The following GALNTL6 variants were observed in gnomAD, a reference collection of about 807,000 sequenced individuals.
The protein encoded by GALNTL6 is polypeptide N-acetylgalactosaminyltransferase like 6, also known as polypeptide N-acetylgalactosaminyltransferase-like 6.
GALNTL6 carries 46 observed loss-of-function variants against 73.7 expected under a neutral mutation model. That is an observed-to-expected ratio of 0.62 (90% CI 0.49 to 0.80). GALNTL6 has a LOEUF of 0.80. Among genes scored for constraint, GALNTL6 ranks in the 30% least tolerant of loss-of-function variants. The probability of loss-of-function intolerance (pLI) is 0.00; values close to 1 mark genes in which losing one functional copy is unlikely to be tolerated. For missense variants in GALNTL6, 604 were observed against 755.0 expected, an observed-to-expected ratio of 0.80 and a Z score of 2.34; for synonymous variants, 259 against 263.7, an observed-to-expected ratio of 0.98 and a Z score of 0.17.
Position 173,040,017 on chromosome 4 carries a change from C to CCTCTCTCTG in GALNTL6, c.1724_1732dup (p.Ser577_Glu578insAlaLeuSer). 6.2e-7 allele frequency: 1 copy of CCTCTCTCTG among 1,612,988 alleles called. No individual in the cohort carries two copies. Among genetic ancestry groups the CCTCTCTCTG allele is most frequent in the Non-Finnish European group, 8.5e-7 (1 of 1,178,996 alleles). On this transcript the variant is annotated inframe_insertion, in exon 13 of 13. Coordinates refer to ENST00000506823, the MANE Select transcript of GALNTL6 (RefSeq NM_001034845.3). ...GAAGATTTTCATGGCCAGATGTGAC[C>CCTCTCTCTG]CTCTCTCTGAGACTCAGCAGTGGAT...
chr4:172,527,395 T>A (rs1314670468), intron 5 of GALNTL6, among the ~76,000 whole-genome samples: 1 of 152,210 alleles, frequency 6.6e-6, no homozygotes, highest in Non-Finnish European at 1.5e-5. Context: ...TATTGTAAGT[T>A]ATAATGATAT....
intron 8 of GALNTL6, among the ~76,000 whole-genome samples, chr4:172,883,985 A>G (rs1042200171): frequency 6.6e-6 from 1 of 152,174 alleles, no homozygotes; most frequent in African/African-American, 2.4e-5. Context: ...TTATGACTGC[A>G]TAATATTCCA....
intron 5 of GALNTL6, among the ~76,000 whole-genome samples, chr4:172,379,399 G>A (rs987357584): frequency 1.3e-5 from 2 of 151,712 alleles, no homozygotes; most frequent in Non-Finnish European, 2.9e-5. Context: ...GCACGGTGGC[G>A]GGCGCCTGTA....
At chr4:172,870,122 G>C (rs1487225899) in intron 7 of GALNTL6, among the ~76,000 whole-genome samples, 1 of 151,898 alleles carries the variant, frequency 6.6e-6, no homozygotes, top group Non-Finnish European at 1.5e-5. Flanking sequence ...AGAAATTCCA[G>C]TGTACCCCTA....
chr4:171,939,377 T>A (rs1017707700), intron 2 of GALNTL6, among the ~76,000 whole-genome samples: 4 of 152,154 alleles, frequency 2.6e-5, no homozygotes, highest in African/African-American at 9.6e-5. Flanking sequence ...GGGTATTAGA[T>A]AAATACTATA....
chr4:171,878,662 T>C (rs1736346251), intron 2 of GALNTL6, among the ~76,000 whole-genome samples: 1 of 152,194 alleles, frequency 6.6e-6, no homozygotes, highest in Non-Finnish European at 1.5e-5. Flanking sequence ...TTTTATAATA[T>C]TGTTGACTTG....
rs531669941 is a variant in GALNTL6 at position 172,256,680 on chromosome 4, C to T, written c.247+26916C>T. 2.6e-4 allele frequency among the ~76,000 whole-genome samples: 40 copies of T among 151,404 alleles called. 1 individual carries two copies. Among genetic ancestry groups the T allele is most frequent in the South Asian group, 8.3e-4 (4 of 4,830 alleles). ...TCTTTTCTCTACCCAGAATATTTTCCCCAGTCTTCCTATCTGTCCTATCTT... is the reference window on the plus strand; with the variant it reads ...TCTTTTCTCTACCCAGAATATTTTCTCCAGTCTTCCTATCTGTCCTATCTT... On this transcript the variant is annotated intron_variant, in intron 3 of 12. Coordinates refer to ENST00000506823, the MANE Select transcript of GALNTL6 (RefSeq NM_001034845.3).
chr4:173,021,419 G>A, intron 11 of GALNTL6, 57 bp from the exon 12 acceptor site: 1 of 1,576,714 alleles, frequency 6.3e-7, no homozygotes, highest in South Asian at 1.1e-5. Context: ...CCCCGCCCTT[G>A]CATCTTCTCT....
chr4:171,845,902 TACTC>T (rs1246337810), intron 2 of GALNTL6, among the ~76,000 whole-genome samples: 3 of 152,176 alleles, frequency 2.0e-5, no homozygotes, highest in Non-Finnish European at 4.4e-5. Context: ...ATTGTGAACA[TACTC>T]ATCATCACAG....
intron 2 of GALNTL6, among the ~76,000 whole-genome samples, 153 bp from the exon 3 acceptor site, chr4:172,229,503 G>C (rs916254853): frequency 6.6e-6 from 1 of 152,082 alleles, no homozygotes; most frequent in Admixed American, 6.6e-5. Flanking sequence ...GTATAAATCT[G>C]GTCACCAGCG....
At chr4:172,037,802 C>T (rs1202669219) in intron 2 of GALNTL6, among the ~76,000 whole-genome samples, 1 of 152,062 alleles carries the variant, frequency 6.6e-6, no homozygotes, top group Non-Finnish European at 1.5e-5. Flanking sequence ...TGAAAGTAAC[C>T]ACCAATAACT....
intron 5 of GALNTL6, among the ~76,000 whole-genome samples, chr4:172,398,746 A>G (rs982483463): frequency 6.6e-6 from 1 of 152,222 alleles, no homozygotes; most frequent in Non-Finnish European, 1.5e-5. Flanking sequence ...ATAATTTTGT[A>G]GAAGTATATT....
intron 2 of GALNTL6, among the ~76,000 whole-genome samples, chr4:172,066,069 C>G (rs1731353065): frequency 6.6e-6 from 1 of 152,216 alleles, no homozygotes; most frequent in Non-Finnish European, 1.5e-5. Flanking sequence ...ACATTTGTTA[C>G]AGTTGATGAG....
intron 5 of GALNTL6, among the ~76,000 whole-genome samples, chr4:172,613,422 AG>A (rs1738604595): frequency 6.6e-6 from 1 of 151,956 alleles, no homozygotes; most frequent in Admixed American, 6.6e-5. Context: ...CTAGGAAGCA[AG>A]GGCTACTAGA....
chr4:172,819,322 C>T (rs1560973894), intron 7 of GALNTL6, among the ~76,000 whole-genome samples: 1 of 152,370 alleles, frequency 6.6e-6, no homozygotes, highest in East Asian at 1.9e-4. Context: ...CTGATAACAA[C>T]ACCGTGTGAA....
intron 12 of GALNTL6, among the ~76,000 whole-genome samples, chr4:173,030,359 AC>A (rs1387400008): frequency 1.3e-5 from 2 of 152,074 alleles, no homozygotes; most frequent in African/African-American, 2.4e-5. Context: ...GGTTGTTATG[AC>A]CTTCTAACTT....
chr4:172,622,045 C>T (rs950649411), intron 5 of GALNTL6, among the ~76,000 whole-genome samples: 6 of 152,200 alleles, frequency 3.9e-5, no homozygotes, highest in Non-Finnish European at 8.8e-5. Flanking sequence ...GGTCCTCACA[C>T]TAGGGTCATG....
At chr4:172,720,175 A>T (rs922956946) in intron 5 of GALNTL6, among the ~76,000 whole-genome samples, 1 of 152,170 alleles carries the variant, frequency 6.6e-6, no homozygotes, top group African/African-American at 2.4e-5. Flanking sequence ...CATTTGTTAC[A>T]GGGCTTTTCC....
At chr4:172,379,915 G>A in intron 5 of GALNTL6, 1 of 581,240 alleles carries the variant, frequency 1.7e-6, no homozygotes, top group Non-Finnish European at 3.1e-6. Context: ...GACTGAAGAA[G>A]TCTGGGCTTT....
Sources: gnomAD v4.1 joint callset for allele counts (sites outside exome capture counted in the v4.1 genomes callset) on GRCh38, gnomAD v4.1.1 for gene constraint, MANE v1.5 for transcripts, NCBI Gene and HGNC (gene_info 2026-07-23, HGNC 2026-07-21) for gene names.